Variants in STK39 observed in about 807,000 individuals in gnomAD.
The protein encoded by STK39 is serine/threonine kinase 39, also known as STE20/SPS1-related proline-alanine-rich protein kinase.
In STK39, 20 loss-of-function variants were observed where a neutral mutation model predicts 77.8. That is an observed-to-expected ratio of 0.26 (90% CI 0.18 to 0.37). The LOEUF is 0.37. STK39 is among the 10% of genes least tolerant of loss of function. STK39 has a pLI of 1.00. For missense variants in STK39, 479 were observed against 656.5 expected, an observed-to-expected ratio of 0.73 and a Z score of 2.95; for synonymous variants, 246 against 234.1, an observed-to-expected ratio of 1.05 and a Z score of -0.47.
At chr2:167,984,396 G>A (rs1683504693) in intron 16 of STK39, among the ~76,000 whole-genome samples, 1 of 152,194 alleles carries the variant, frequency 6.6e-6, no homozygotes, top group Non-Finnish European at 1.5e-5. Flanking sequence ...AGGAATGGGA[G>A]CTTGCTGGGT....
In STK39 at chr2:168,223,823, A is replaced by G. The variant is rs145895433; in HGVS notation, c.208+23405T>C. On this transcript the variant is annotated intron_variant, in intron 1 of 17. Coordinates refer to ENST00000355999, the MANE Select transcript of STK39 (RefSeq NM_013233.3). ...TTGGCACACGGCAGGTGCTCCATAA[A>G]TGTTTGTATCAGAATTATCTGGTCG... is the stretch of plus-strand genomic sequence containing the variant. Among the ~76,000 whole-genome samples the G allele has an allele frequency of 1.9e-3, 293 of 152,178 alleles. 4 individuals carry two copies. Among genetic ancestry groups the G allele is most frequent in the African/African-American group, 6.7e-3 (278 of 41,482 alleles).
At chr2:168,178,005 T>C (rs1260677443) in intron 2 of STK39, among the ~76,000 whole-genome samples, 1 of 152,112 alleles carries the variant, frequency 6.6e-6, no homozygotes, top group African/African-American at 2.4e-5. Context: ...TAGTCCATGG[T>C]CTCCCCCAAA....
At chr2:168,137,995 T>G (rs1382867051) in intron 8 of STK39, 93 bp downstream of exon 8, 1 of 1,481,436 alleles carries the variant, frequency 6.8e-7, no homozygotes, top group African/African-American at 1.4e-5. Context: ...GAAATACCTT[T>G]CCAGTGTCCT....
intron 1 of STK39, among the ~76,000 whole-genome samples, chr2:168,194,644 CTTTA>C (rs989211366): frequency 1.8e-4 from 28 of 152,084 alleles, no homozygotes; most frequent in African/African-American, 6.5e-4. Flanking sequence ...TTAAGTTGGA[CTTTA>C]TTTATCTGGA....
At chr2:168,127,191 G>A (rs114302919) in intron 10 of STK39, among the ~76,000 whole-genome samples, 15 of 152,058 alleles carry the variant, frequency 9.9e-5, no homozygotes, top group South Asian at 2.1e-4. Flanking sequence ...TTGCTCTGCC[G>A]CTAGGCTGGA....
intron 12 of STK39, among the ~76,000 whole-genome samples, chr2:168,073,340 T>C (rs1992929): frequency 0.99 from 151,274 of 152,338 alleles, 75,111 homozygotes; most frequent in Middle Eastern, 1. Context: ...AGATTTCTTG[T>C]GGTGAACAAC....
At chr2:168,207,183 C>A (rs1574555516) in intron 1 of STK39, among the ~76,000 whole-genome samples, 1 of 152,318 alleles carries the variant, frequency 6.6e-6, no homozygotes, top group East Asian at 1.9e-4. Flanking sequence ...AAACTGCTAC[C>A]CTATGATAGT....
chr2:168,150,820 C>T (rs768857666), intron 5 of STK39, among the ~76,000 whole-genome samples: 1 of 152,034 alleles, frequency 6.6e-6, no homozygotes, highest in Non-Finnish European at 1.5e-5. Flanking sequence ...GTTATTCACA[C>T]ACCACTACAT....
intron 16 of STK39, among the ~76,000 whole-genome samples, chr2:167,994,326 T>G (rs536329894): frequency 1.2e-4 from 19 of 152,148 alleles, no homozygotes; most frequent in African/African-American, 4.6e-4. Context: ...ATGATGTAGT[T>G]ACCAGTGAAA....
At chr2:168,111,517 G>A (rs970953946) in intron 10 of STK39, among the ~76,000 whole-genome samples, 1 of 152,132 alleles carries the variant, frequency 6.6e-6, no homozygotes, top group Non-Finnish European at 1.5e-5. Flanking sequence ...GATACCTGCT[G>A]TCAGTCTAGT....
intron 10 of STK39, among the ~76,000 whole-genome samples, chr2:168,079,144 G>A (rs750705453): frequency 5.3e-5 from 8 of 152,130 alleles, no homozygotes; most frequent in East Asian, 1.9e-4. Flanking sequence ...TCAGTAAGAC[G>A]TTAGCAATAA....
chr2:168,031,010 C>T (rs997646082), intron 14 of STK39, among the ~76,000 whole-genome samples: 8 of 152,188 alleles, frequency 5.3e-5, no homozygotes, highest in Non-Finnish European at 1.0e-4. Context: ...TCCAAAGATT[C>T]TCTCAAGGCA....
chr2:168,144,158 A>G (rs1159420547), intron 5 of STK39, among the ~76,000 whole-genome samples: 1 of 152,200 alleles, frequency 6.6e-6, no homozygotes, highest in East Asian at 1.9e-4. Context: ...CAGATCTACT[A>G]GGAAACATTA....
intron 1 of STK39, among the ~76,000 whole-genome samples, chr2:168,244,124 G>A (rs1690840553): frequency 2.0e-5 from 3 of 152,126 alleles, no homozygotes; most frequent in African/African-American, 4.8e-5. Flanking sequence ...ATCATTTCCA[G>A]GTCATGAATA....
chr2:168,057,479 CA>C (rs1685555192), intron 14 of STK39, among the ~76,000 whole-genome samples: 1 of 152,300 alleles, frequency 6.6e-6, no homozygotes, highest in Middle Eastern at 3.4e-3. Flanking sequence ...AGGCGTGAGC[CA>C]CCGCGCCTGG....
intron 1 of STK39, among the ~76,000 whole-genome samples, 153 bp downstream of exon 1, chr2:168,247,075 A>AC: frequency 6.8e-6 from 1 of 146,260 alleles, no homozygotes; most frequent in African/African-American, 2.5e-5. Flanking sequence ...AAAAAAAAAA[A>AC]AAAAAAAAAA....
chr2:167,987,459 A>G (rs1452066416), intron 16 of STK39, among the ~76,000 whole-genome samples: 3 of 152,068 alleles, frequency 2.0e-5, no homozygotes, highest in Non-Finnish European at 4.4e-5. Context: ...TATTCATGAA[A>G]AAATAGGATA....
intron 10 of STK39, among the ~76,000 whole-genome samples, chr2:168,095,583 A>G (rs1207002850): frequency 6.6e-6 from 1 of 151,316 alleles, no homozygotes; most frequent in Non-Finnish European, 1.5e-5. Context: ...CTATCATCAA[A>G]AGCCTGCGCT....
intron 14 of STK39, among the ~76,000 whole-genome samples, chr2:168,042,446 T>C (rs2390635): frequency 0.059 from 8,955 of 152,264 alleles, 426 homozygotes; most frequent in East Asian, 0.19. Context: ...AACAAAGAGA[T>C]AGGTTATGGC....
Sources: allele counts gnomAD v4.1 joint callset (sites outside exome capture counted in the v4.1 genomes callset), GRCh38; gene constraint gnomAD v4.1.1; transcripts MANE v1.5; gene names NCBI Gene and HGNC (gene_info 2026-07-23, HGNC 2026-07-21).